The following MAPKBP1 variants were observed in gnomAD, a reference collection of about 807,000 sequenced individuals.
MAPKBP1 encodes mitogen-activated protein kinase-binding protein 1.
Under a neutral mutation model 170.5 loss-of-function variants are expected in MAPKBP1, and 71 were observed. The observed-to-expected ratio is 0.42, with a 90% CI of 0.34 to 0.51. The LOEUF (loss-of-function observed/expected upper bound fraction) is 0.51, where lower values mean the gene tolerates loss of function less well. MAPKBP1 is among the 20% of genes least tolerant of loss of function. The probability of loss-of-function intolerance (pLI) is 0.06; values close to 1 mark genes in which losing one functional copy is unlikely to be tolerated. For missense variants in MAPKBP1, 1,598 were observed against 1,933.0 expected, an observed-to-expected ratio of 0.83 and a Z score of 3.25; for synonymous variants, 719 against 757.9, an observed-to-expected ratio of 0.95 and a Z score of 0.84.
At position 41,823,563 on chromosome 15, in the gene MAPKBP1, C is replaced by T. The variant is rs2065039460; in HGVS notation, c.3715C>T (p.His1239Tyr). The T allele has an allele frequency of 1.2e-6, 2 of 1,614,078 alleles. No individual in the cohort carries two copies. Among genetic ancestry groups the T allele is most frequent in the Non-Finnish European group, 1.7e-6 (2 of 1,180,034 alleles). The change falls in exon 29 of 31, where the codon CAC (histidine) becomes TAC (tyrosine). Residue 1239 changes from histidine to tyrosine, a missense_variant. Coordinates refer to ENST00000457542, the MANE Select transcript of MAPKBP1 (RefSeq NM_014994.3). ...PPADGRPSRP[H>Y]SYQNPTTSSM... is the part of the protein sequence containing the mutation. Reference sequence around the variant, plus strand: ...AGCTGATGGCCGTCCGTCTCGGCCTCACTCCTATCAGAACCCCACCACCAG... The same window carrying T: ...AGCTGATGGCCGTCCGTCTCGGCCTTACTCCTATCAGAACCCCACCACCAG...
At chr15:41,802,115 T>G (rs1413306104) in intron 3 of MAPKBP1, among the ~76,000 whole-genome samples, 1 of 152,110 alleles carries the variant, frequency 6.6e-6, no homozygotes, top group African/African-American at 2.4e-5. Context: ...AAGACAATGG[T>G]ATTTGTATAT....
At position 41,825,709 on chromosome 15, in the gene MAPKBP1, G is replaced by A; in HGVS notation, c.*273G>A. The A allele has an allele frequency of 2.6e-6, 1 of 388,766 alleles. No individual in the cohort carries two copies. The highest frequency in any genetic ancestry group is 4.7e-6 in the Non-Finnish European group (1 of 214,718). 24.1% of individuals were successfully genotyped at this position (388,766 alleles called of 1,614,324 possible). A position where few individuals can be genotyped will look rare whatever the true frequency, so the allele number is the denominator to read the frequency against. ...TCTTTGTCATCTTGGTGCTGTGAGAGGTAGGAGGGCAGCCTGCCCCATCTA... is the reference window on the plus strand; with the variant it reads ...TCTTTGTCATCTTGGTGCTGTGAGAAGTAGGAGGGCAGCCTGCCCCATCTA... On this transcript the variant is annotated 3_prime_UTR_variant, in exon 31 of 31. Coordinates refer to ENST00000457542, the MANE Select transcript of MAPKBP1 (RefSeq NM_014994.3).
At chr15:41,784,141 T>C (rs760274859) in intron 2 of MAPKBP1, among the ~76,000 whole-genome samples, 39 of 152,182 alleles carry the variant, frequency 2.6e-4, no homozygotes, top group African/African-American at 7.7e-4. Context: ...TTGGCTTCTG[T>C]TTGAGAGGGC....
At chr15:41,779,913 G>A (rs1228173366) in intron 2 of MAPKBP1, among the ~76,000 whole-genome samples, 1 of 152,208 alleles carries the variant, frequency 6.6e-6, no homozygotes. Flanking sequence ...AATGAAAAAT[G>A]TCAATGTTCT....
intron 3 of MAPKBP1, 138 bp from the exon 4 acceptor site, chr15:41,810,739 AGAAAAG>A (rs1479867039): frequency 1.1e-5 from 6 of 543,832 alleles, no homozygotes; most frequent in African/African-American, 6.3e-5. Context: ...AAAAAAAAAA[AGAAAAG>A]GAAAAAAACA....
At position 41,820,921 on chromosome 15, in the gene MAPKBP1, A is replaced by G. The variant is rs1199531996; in HGVS notation, c.2571A>G (p.Glu857=). 1 of 1,614,194 alleles carries G rather than the reference A, an allele frequency of 6.2e-7. No individual in the cohort carries two copies. Among genetic ancestry groups the G allele is most frequent in the Non-Finnish European group, 8.5e-7 (1 of 1,180,026 alleles). Reference sequence around the variant, plus strand: ...GGCGCTGGGTTCAGCCAGGTGTGGAACTGAGCGTTAGATCCATGCTGGATC... The same window carrying G: ...GGCGCTGGGTTCAGCCAGGTGTGGAGCTGAGCGTTAGATCCATGCTGGATC... ...RRGRWVQPGV[E]LSVRSMLDLR... Residue 857 remains glutamate (E), a synonymous_variant, in exon 23 of 31, where the codon GAA becomes GAG. Coordinates refer to ENST00000457542, the MANE Select transcript of MAPKBP1 (RefSeq NM_014994.3).
intron 2 of MAPKBP1, among the ~76,000 whole-genome samples, chr15:41,783,901 C>T (rs1351472917): frequency 6.6e-6 from 1 of 152,160 alleles, no homozygotes; most frequent in Non-Finnish European, 1.5e-5. Flanking sequence ...CCCAGCTACT[C>T]AGGAGGCTGA....
intron 12 of MAPKBP1, chr15:41,816,235 A>C: frequency 2.6e-6 from 1 of 383,240 alleles, no homozygotes; most frequent in Admixed American, 4.1e-5. Flanking sequence ...AACTAAATGC[A>C]ATTTGGATTC....
chr15:41,819,201 C>T, intron 20 of MAPKBP1, 45 bp from the exon 21 acceptor site: 1 of 1,604,898 alleles, frequency 6.2e-7, no homozygotes, highest in Non-Finnish European at 8.5e-7. Context: ...TCCTCTCCCC[C>T]TATTGAGTCT....
Position 41,823,803 on chromosome 15 carries a change from G to A in MAPKBP1, c.3955G>A (p.Ala1319Thr). 6.2e-7 allele frequency: 1 copy of A among 1,614,128 alleles called. No homozygotes were observed. Among genetic ancestry groups the A allele is most frequent in the Non-Finnish European group, 8.5e-7 (1 of 1,180,010 alleles). ...CACCAAAGGCCGGGCCCCTGGCGAG[G>A]CAGAAAAGCCTGGCTTCCCGGTGGG... ...PVTKGRAPGE[A>T]EKPGFPVGLG... The change falls in exon 29 of 31, where the codon GCA (alanine) becomes ACA (threonine). Residue 1319 changes from alanine (A) to threonine (T), a missense_variant. Coordinates refer to ENST00000457542, the MANE Select transcript of MAPKBP1 (RefSeq NM_014994.3).
intron 2 of MAPKBP1, among the ~76,000 whole-genome samples, chr15:41,791,783 T>A (rs1363294450): frequency 6.6e-6 from 1 of 152,122 alleles, no homozygotes; most frequent in Non-Finnish European, 1.5e-5. Context: ...GTTCTCCTCC[T>A]CTCTTTCTCA....
chr15:41,778,915 G>A (rs929374944), intron 2 of MAPKBP1, among the ~76,000 whole-genome samples: 4 of 152,120 alleles, frequency 2.6e-5, no homozygotes, highest in African/African-American at 7.2e-5. Flanking sequence ...TATTGAGATC[G>A]TCCTCCTCCT....
intron 5 of MAPKBP1, chr15:41,811,726 C>T (rs2064810367): frequency 1.5e-6 from 1 of 682,558 alleles, no homozygotes; most frequent in Non-Finnish European, 2.7e-6. Flanking sequence ...ACCTGAAGTA[C>T]AGACGGCCAC....
chr15:41,817,860 C>CT lies in MAPKBP1; in HGVS notation c.1904+128dup. ...TTTGTACCCCCTTGAGCCTACAGTA[C>CT]TTTGCTTCACCCAAGAGGTGGTAGC... is the stretch of plus-strand genomic sequence containing the variant. On this transcript the variant is annotated intron_variant, in intron 16 of 30. Transcript: ENST00000457542. This position sits in a 1 kb window ranked among gnomAD's most constrained non-coding sequence, Gnocchi z 4.2. The CT allele has an allele frequency of 6.4e-7, 1 of 1,553,868 alleles. No homozygotes were observed. Among genetic ancestry groups the CT allele is most frequent in the Non-Finnish European group, 8.8e-7 (1 of 1,134,394 alleles).
At position 41,812,535 on chromosome 15, in the gene MAPKBP1, C is replaced by T; in HGVS notation, c.518C>T (p.Ser173Phe). 1 of 1,614,230 alleles carries T rather than the reference C, an allele frequency of 6.2e-7. No individual in the cohort carries two copies. The highest frequency in any genetic ancestry group is 8.5e-7 in the Non-Finnish European group (1 of 1,180,044). The change falls in exon 7 of 31, where the codon TCC (serine) becomes TTC (phenylalanine). Residue 173 changes from serine to phenylalanine, a missense_variant. Transcript: ENST00000457542. ...CTCCAGAAAAACATTGTGGTGGCCT[C>T]CAACAAGGTGTCCAGTCGGGTGACA... ...WAWKKNIVVA[S>F]NKVSSRVTAV...
chr15:41,794,030 G>T (rs1456394944), intron 2 of MAPKBP1, among the ~76,000 whole-genome samples: 1 of 152,164 alleles, frequency 6.6e-6, no homozygotes, highest in Non-Finnish European at 1.5e-5. Flanking sequence ...AGGAGTTTAA[G>T]ACCAGCCTGG....
At position 41,822,351 on chromosome 15, in the gene MAPKBP1, G is replaced by C; in HGVS notation, c.3158G>C (p.Ser1053Thr). 1 of 1,614,052 alleles carries C rather than the reference G, an allele frequency of 6.2e-7. No individual in the cohort carries two copies. The highest frequency in any genetic ancestry group is 8.5e-7 in the Non-Finnish European group (1 of 1,179,998). The change falls in exon 26 of 31, where the codon AGC becomes ACC. Residue 1053 changes from serine to threonine, a missense_variant. Coordinates refer to ENST00000457542, the MANE Select transcript of MAPKBP1 (RefSeq NM_014994.3). ...GMGPYGLQEG[S>T]PQTPDQEQFL... is the part of the protein sequence containing the mutation. ...GGCCCCTATGGGCTACAGGAGGGCA[G>C]CCCCCAGACTCCAGACCAGGAGCAG...
chr15:41,793,253 C>T (rs530501673), intron 2 of MAPKBP1, among the ~76,000 whole-genome samples: 4 of 152,200 alleles, frequency 2.6e-5, no homozygotes, highest in African/African-American at 7.2e-5. Context: ...TTTGGGAGGC[C>T]GAGATGGGTG....
chr15:41,811,257 C>G, intron 5 of MAPKBP1, 22 bp downstream of exon 5: 1 of 1,613,998 alleles, frequency 6.2e-7, no homozygotes, highest in Non-Finnish European at 8.5e-7. Context: ...AGAGGGCTGG[C>G]AGTACTGTAA....
Sources: gnomAD v4.1 joint callset for allele counts (sites outside exome capture counted in the v4.1 genomes callset) on GRCh38, gnomAD v4.1.1 for gene constraint, Gnocchi (gnomAD v3.1) non-coding constraint, MANE v1.5 for transcripts, NCBI Gene and HGNC (gene_info 2026-07-23, HGNC 2026-07-21) for gene names.